PEAK1: variants seen among roughly 807,000 people sequenced by gnomAD.
PEAK1 encodes the protein inactive tyrosine-protein kinase PEAK1.
Under a neutral mutation model 124.7 loss-of-function variants are expected in PEAK1, and 54 were observed. That is an observed-to-expected ratio of 0.43 (90% CI 0.35 to 0.54). PEAK1 has a LOEUF of 0.54. Among genes scored for constraint, PEAK1 ranks in the 20% least tolerant of loss-of-function variants. The pLI is 0.01. For synonymous variants in PEAK1, 719 were observed against 760.0 expected (o/e 0.95, Z 0.89); for missense variants, 2,046 against 2,134.5 (o/e 0.96, Z 0.82).
At chr15:77,417,861 A>C in intron 1 of PEAK1, 1 of 985,334 alleles carries the variant, frequency 1.0e-6, no homozygotes. Context: ...CTTATTTGGC[A>C]AATATGGTTG....
intron 8 of PEAK1, among the ~76,000 whole-genome samples, chr15:77,143,399 G>C (rs1341335073): frequency 1.3e-5 from 2 of 152,000 alleles, no homozygotes; most frequent in Non-Finnish European, 2.9e-5. Context: ...CAAACCACTA[G>C]AGAGATGTTT....
chr15:77,265,858 A>G (rs1195474906), intron 5 of PEAK1, among the ~76,000 whole-genome samples: 1 of 152,088 alleles, frequency 6.6e-6, no homozygotes, highest in East Asian at 1.9e-4. Flanking sequence ...AACCAACCCA[A>G]ATGTCCAACA....
chr15:77,177,243 A>G (rs1439911499), intron 7 of PEAK1, among the ~76,000 whole-genome samples: 1 of 152,172 alleles, frequency 6.6e-6, no homozygotes, highest in Non-Finnish European at 1.5e-5. Flanking sequence ...GGTGTGAGCC[A>G]CCACACCCGG....
chr15:77,140,757 C>T (rs1318764035), intron 8 of PEAK1, among the ~76,000 whole-genome samples: 1 of 149,158 alleles, frequency 6.7e-6, no homozygotes, highest in Non-Finnish European at 1.5e-5. Flanking sequence ...TTTTCCCAGA[C>T]AGGGTCTTCC....
chr15:77,329,384 G>A (rs933395877), intron 2 of PEAK1, among the ~76,000 whole-genome samples: 1 of 152,080 alleles, frequency 6.6e-6, no homozygotes, highest in Non-Finnish European at 1.5e-5. Context: ...GATAATTAAG[G>A]GTTTTGTTTT....
chr15:77,356,190 C>T (rs1352172444), intron 2 of PEAK1, among the ~76,000 whole-genome samples: 1 of 152,132 alleles, frequency 6.6e-6, no homozygotes, highest in African/African-American at 2.4e-5. Context: ...AGCAGAGTAG[C>T]TACATGAGTA....
downstream of PEAK1, chr15:77,104,884 T>TTAATTA (rs2050731074): frequency 6.6e-6 from 1 of 152,222 alleles, no homozygotes; most frequent in African/African-American, 2.4e-5. Context: ...GCTGTTAAGC[T>TTAATTA]AGTTCATGGG....
intron 1 of PEAK1, among the ~76,000 whole-genome samples, chr15:77,393,148 G>A (rs1229300295): frequency 3.3e-5 from 5 of 152,216 alleles, no homozygotes; most frequent in Non-Finnish European, 7.3e-5. Context: ...TTGCCACCAT[G>A]GGCTGAAGTG....
chr15:77,337,808 C>A, intron 2 of PEAK1: 1 of 985,168 alleles, frequency 1.0e-6, no homozygotes, highest in African/African-American at 1.7e-5. Flanking sequence ...GAATGGAAAA[C>A]GCTACTTTAG....
intron 8 of PEAK1, among the ~76,000 whole-genome samples, chr15:77,148,316 A>G (rs2054317697): frequency 6.6e-6 from 1 of 152,142 alleles, no homozygotes; most frequent in Non-Finnish European, 1.5e-5. Flanking sequence ...GAGTTTTTTA[A>G]AACTATATAA....
At position 77,285,007 on chromosome 15, in the gene PEAK1, C is replaced by G. The variant is rs1009187007; in HGVS notation, c.-472G>C. On this transcript the variant is annotated 5_prime_UTR_variant, in exon 4 of 10. Transcript: ENST00000682557. The stretch of plus-strand genomic sequence containing the variant: ...CTGAGGCAGGAGAATTACTCGAACC[C>G]GGAAGGCAGAGGTTGCAGTGAGCCA... The G allele has an allele frequency of 6.6e-6, 1 of 151,058 alleles. No individual in the cohort carries two copies. Among genetic ancestry groups the G allele is most frequent in the Non-Finnish European group, 1.5e-5 (1 of 68,034 alleles). 9.4% of individuals were successfully genotyped at this position (151,058 alleles called of 1,614,324 possible). A position where few individuals can be genotyped will look rare whatever the true frequency, so the allele number is the denominator to read the frequency against.
chr15:77,314,119 T>A (rs2153006528), intron 2 of PEAK1, among the ~76,000 whole-genome samples: 1 of 152,248 alleles, frequency 6.6e-6, no homozygotes, highest in Admixed American at 6.5e-5. Flanking sequence ...AGCATTACAG[T>A]ATTTTTCTGT....
chr15:77,274,631 T>TA (rs1269416038), intron 5 of PEAK1, among the ~76,000 whole-genome samples: 3 of 151,090 alleles, frequency 2.0e-5, no homozygotes, highest in Admixed American at 6.6e-5. Context: ...AAACCAAAAA[T>TA]AAAAAAACTC....
chr15:77,337,434 T>G (rs1265489307), intron 2 of PEAK1: 10 of 966,232 alleles, frequency 1.0e-5, no homozygotes, highest in Non-Finnish European at 1.2e-5. Context: ...AAGAATTTGA[T>G]GATTTCTCTG....
intron 6 of PEAK1, among the ~76,000 whole-genome samples, chr15:77,208,872 AAATAAT>A (rs2058779794): frequency 6.6e-6 from 1 of 152,218 alleles, no homozygotes; most frequent in South Asian, 2.1e-4. Context: ...ACCAATTATT[AAATAAT>A]AATATTTGTC....
At chr15:77,226,519 A>T (rs1221715423) in intron 6 of PEAK1, among the ~76,000 whole-genome samples, 2 of 152,054 alleles carry the variant, frequency 1.3e-5, no homozygotes, top group African/African-American at 4.8e-5. Context: ...CACTCCAGAG[A>T]GTGTTGTGGA....
At chr15:77,195,647 C>G (rs560752047) in intron 6 of PEAK1, among the ~76,000 whole-genome samples, 34 of 152,232 alleles carry the variant, frequency 2.2e-4, no homozygotes, top group African/African-American at 7.9e-4. Context: ...TGAAGTCCTC[C>G]TACATGTATA....
chr15:77,408,424 G>C (rs2072111247), intron 1 of PEAK1, among the ~76,000 whole-genome samples: 1 of 151,702 alleles, frequency 6.6e-6, no homozygotes, highest in Admixed American at 6.6e-5. Flanking sequence ...GTACACATGG[G>C]GTACAGCGTA....
chr15:77,103,570 G>A (rs1433574677), downstream of PEAK1: 2 of 152,218 alleles, frequency 1.3e-5, no homozygotes, highest in Non-Finnish European at 1.5e-5. Flanking sequence ...AGCTCTTAGG[G>A]GTTGAGGACT....
Sources: gnomAD v4.1 joint callset for allele counts (sites outside exome capture counted in the v4.1 genomes callset) on GRCh38, gnomAD v4.1.1 for gene constraint, MANE v1.5 for transcripts, NCBI Gene and HGNC (gene_info 2026-07-23, HGNC 2026-07-21) for gene names.